Variants in DNAJA1 observed in about 807,000 individuals in gnomAD.
The protein encoded by DNAJA1 is dnaJ homolog subfamily A member 1.
Under a neutral mutation model 47.6 loss-of-function variants are expected in DNAJA1, and 26 were observed. That is an observed-to-expected ratio of 0.55 (90% CI 0.40 to 0.76). The LOEUF (loss-of-function observed/expected upper bound fraction) is 0.76. Among genes scored for constraint, DNAJA1 ranks in the 30% least tolerant of loss-of-function variants. The pLI is 0.00. For missense variants in DNAJA1, 315 were observed against 485.0 expected, an observed-to-expected ratio of 0.65 and a Z score of 3.29; for synonymous variants, 165 against 158.4, an observed-to-expected ratio of 1.04 and a Z score of -0.31.
chr9:33,034,208 G>C lies in DNAJA1; in HGVS notation c.644-8G>C, dbSNP rs1315500443. The C allele has an allele frequency of 7.7e-6, 12 of 1,565,742 alleles. No homozygotes were observed. The highest frequency in any genetic ancestry group is 1.0e-5 in the Non-Finnish European group (12 of 1,158,360). Reference sequence around the variant, plus strand: ...AATAAAAGTACAAAATTAATGTTTTGTTTTTAGGCATGAAAGATGGCCAGA... The same window carrying C: ...AATAAAAGTACAAAATTAATGTTTTCTTTTTAGGCATGAAAGATGGCCAGA... On this transcript the variant is annotated splice_region_variant and splice_polypyrimidine_tract_variant and intron_variant, in intron 5 of 8. Transcript: ENST00000330899.
chr9:33,028,703 T>G (rs1301600240), intron 3 of DNAJA1, among the ~76,000 whole-genome samples: 1 of 152,224 alleles, frequency 6.6e-6, no homozygotes, highest in Admixed American at 6.5e-5. Context: ...TTTATGTGGC[T>G]TATGATCATA....
intron 1 of DNAJA1, 69 bp from the exon 2 acceptor site, chr9:33,026,406 G>A: frequency 6.5e-7 from 1 of 1,544,700 alleles, no homozygotes; most frequent in Non-Finnish European, 8.7e-7. Flanking sequence ...AGATTGCTCG[G>A]CCTTAGCTCT....
intron 5 of DNAJA1, among the ~76,000 whole-genome samples, chr9:33,030,969 A>G (rs1838952099): frequency 6.6e-6 from 1 of 152,244 alleles, no homozygotes; most frequent in East Asian, 1.9e-4. Flanking sequence ...CTGTTAAACC[A>G]TAGTTCTTCC....
chr9:33,038,715 C>A lies in DNAJA1; in HGVS notation c.1006C>A (p.Pro336Thr). ...CTTTCCTGAGAATGGCTTTCTCTCT[C>A]CTGATAAACTGTCTTTGCTGGAAAA... ...VNFPENGFLS[P>T]DKLSLLEKLL... is the part of the protein sequence containing the mutation. Residue 336 changes from proline to threonine, a missense_variant, in exon 9 of 9, where the codon CCT becomes ACT. Pro to Thr is a conservative substitution (Grantham distance 38, BLOSUM62 -1). Around this residue, in one of 4 missense-constraint regions of DNAJA1, gnomAD observed 162 missense variants for 185.4 expected, o/e 0.87. Coordinates refer to ENST00000330899, the MANE Select transcript of DNAJA1 (RefSeq NM_001539.4). 6.2e-7 allele frequency: 1 copy of A among 1,614,108 alleles called. No homozygotes were observed.
At chr9:33,028,277 A>G (rs1838906939) in intron 3 of DNAJA1, among the ~76,000 whole-genome samples, 1 of 152,172 alleles carries the variant, frequency 6.6e-6, no homozygotes, top group South Asian at 2.1e-4. Context: ...TTTCAGCTTT[A>G]TTGTGTCAAA....
At chr9:33,031,338 T>A (rs1191936794) in intron 5 of DNAJA1, among the ~76,000 whole-genome samples, 1 of 152,182 alleles carries the variant, frequency 6.6e-6, no homozygotes, top group African/African-American at 2.4e-5. Flanking sequence ...CCTCAGGTGA[T>A]GACCTGCCTC....
At chr9:33,030,998 A>C (rs1238026928) in intron 5 of DNAJA1, among the ~76,000 whole-genome samples, 1 of 152,222 alleles carries the variant, frequency 6.6e-6, no homozygotes, top group Admixed American at 6.5e-5. Context: ...AAACATTAGA[A>C]TTGTACACAT....
At chr9:33,031,103 G>GT (rs1417250829) in intron 5 of DNAJA1, among the ~76,000 whole-genome samples, 2 of 152,118 alleles carry the variant, frequency 1.3e-5, no homozygotes, top group South Asian at 2.1e-4. Flanking sequence ...AAAATTCATG[G>GT]TTTTTTTGGA....
chr9:33,030,534 T>A lies in DNAJA1; in HGVS notation c.510T>A (p.Val170=). The A allele has an allele frequency of 6.2e-7, 1 of 1,614,144 alleles. No individual in the cohort carries two copies. ...TTCATCAGATAGGACCTGGAATGGT[T>A]CAGCAAATTCAGTCTGTGTGCATGG... ...IRIHQIGPGM[V]QQIQSVCMEC... The change falls in exon 5 of 9, where the codon GTT becomes GTA. Residue 170 remains valine, a synonymous_variant. Coordinates refer to ENST00000330899, the MANE Select transcript of DNAJA1 (RefSeq NM_001539.4).
intron 8 of DNAJA1, 142 bp from the exon 9 acceptor site, chr9:33,038,543 T>C: frequency 1.4e-6 from 1 of 709,076 alleles, no homozygotes; most frequent in South Asian, 1.9e-5. Context: ...CTGTGCCTTT[T>C]TAGAGCCTGT....
intron 7 of DNAJA1, among the ~76,000 whole-genome samples, 163 bp downstream of exon 7, chr9:33,036,852 C>T (rs1564015003): frequency 1.3e-5 from 2 of 152,194 alleles, no homozygotes; most frequent in African/African-American, 2.4e-5. Flanking sequence ...TCTTGGCTCT[C>T]TTGTCAGCCC....
chr9:33,027,314 C>T (rs1838889283), intron 3 of DNAJA1, among the ~76,000 whole-genome samples: 1 of 152,008 alleles, frequency 6.6e-6, no homozygotes, highest in African/African-American at 2.4e-5. Flanking sequence ...TGCCACCAAA[C>T]CCGGCTAATT....
chr9:33,030,788 A>G (rs1838948794), intron 5 of DNAJA1, 121 bp downstream of exon 5: 4 of 862,782 alleles, frequency 4.6e-6, no homozygotes, highest in African/African-American at 3.4e-5. Context: ...AATCAGAAAT[A>G]ACTCTTAGCA....
chr9:33,026,853 CA>C lies in DNAJA1; in HGVS notation c.176del (p.Lys59ArgfsTer55). On this transcript the variant is annotated frameshift_variant, in exon 3 of 9. Transcript: ENST00000330899. LOFTEE classifies it high-confidence loss of function. ...CAAGCTTACGAAGTTCTCTCTGATG[CA>C]AAGAAAAGGGAATTATATGACAAAG... The part of the protein sequence containing the change: ...ISQAYEVLSD[A>X]KKRELYDKGG... 6.2e-7 allele frequency: 1 copy of C among 1,613,962 alleles called. No individual in the cohort carries two copies. The highest frequency in any genetic ancestry group is 1.1e-5 in the South Asian group (1 of 91,082).
chr9:33,031,954 C>A (rs1182751974), intron 5 of DNAJA1, among the ~76,000 whole-genome samples: 1 of 152,124 alleles, frequency 6.6e-6, no homozygotes, highest in African/African-American at 2.4e-5. Flanking sequence ...CTCTTGTCAA[C>A]TTGCAAAAAC....
intron 5 of DNAJA1, among the ~76,000 whole-genome samples, 157 bp downstream of exon 5, chr9:33,030,824 C>G (rs1838949336): frequency 6.6e-6 from 1 of 152,004 alleles, no homozygotes; most frequent in Non-Finnish European, 1.5e-5. Flanking sequence ...TTCTTTTATC[C>G]AGACATAATT....
intron 5 of DNAJA1, among the ~76,000 whole-genome samples, chr9:33,031,460 C>G (rs931836039): frequency 4.6e-5 from 7 of 151,990 alleles, no homozygotes; most frequent in African/African-American, 1.7e-4. Flanking sequence ...GAGGTAGAGT[C>G]TTGCTCTGTT....
At chr9:33,026,178 C>T (rs939638503) in intron 1 of DNAJA1, among the ~76,000 whole-genome samples, 9 of 152,314 alleles carry the variant, frequency 5.9e-5, no homozygotes, top group Non-Finnish European at 1.2e-4. Flanking sequence ...GCCTCTAGGG[C>T]AAACGGGAAG....
intron 3 of DNAJA1, among the ~76,000 whole-genome samples, chr9:33,028,894 A>G (rs1018505725): frequency 6.6e-6 from 1 of 152,226 alleles, no homozygotes; most frequent in Admixed American, 6.5e-5. Context: ...GAAAGTTAAA[A>G]TGTTCATTAG....
Sources: gnomAD v4.1 joint callset for allele counts (sites outside exome capture counted in the v4.1 genomes callset) on GRCh38, gnomAD v4.1.1 for gene constraint, gnomAD v4.1.1 regional missense constraint, MANE v1.5 for transcripts, NCBI Gene and HGNC (gene_info 2026-07-23, HGNC 2026-07-21) for gene names.